Variants in TENM2 observed in about 807,000 individuals in gnomAD.
TENM2 encodes teneurin transmembrane protein 2.
In TENM2, 52 loss-of-function variants were observed where a neutral mutation model predicts 245.2. The ratio of observed to expected loss-of-function variants is 0.21; its 90% CI spans 0.17 to 0.27. The LOEUF is 0.27. Among genes scored for constraint, TENM2 ranks in the 10% least tolerant of loss-of-function variants. The pLI is 1.00. For missense variants in TENM2, 3,046 were observed against 3,666.8 expected (o/e 0.83, Z 4.37); for synonymous variants, 1,363 against 1,438.9 (o/e 0.95, Z 1.19).
At chr5:167,243,468 T>C in the TENM2 span, among the ~76,000 whole-genome samples, 23,168 of 151,760 alleles carry the variant, frequency 0.15, 2,789 homozygotes, top group African/African-American at 0.34. Context: ...GTGGGAGCCA[T>C]GGGAAAAAAG....
At chr5:167,649,254 A>G (rs1291934582) in intron 2 of TENM2, among the ~76,000 whole-genome samples, 1 of 152,152 alleles carries the variant, frequency 6.6e-6, no homozygotes, top group Non-Finnish European at 1.5e-5. Flanking sequence ...AGTGGGCTAG[A>G]AGTCAAATCT....
intron 1 of TENM2, among the ~76,000 whole-genome samples, chr5:167,368,621 C>T (rs774965209): frequency 6.6e-6 from 1 of 152,074 alleles, no homozygotes; most frequent in African/African-American, 2.4e-5. Flanking sequence ...TATAGTAAGC[C>T]TCTTCTGACA....
chr5:167,925,439 C>T (rs746222684), intron 3 of TENM2, among the ~76,000 whole-genome samples: 6 of 152,064 alleles, frequency 3.9e-5, no homozygotes, highest in Admixed American at 1.3e-4. Context: ...CTGAGAAAGC[C>T]GATAGTTACA....
chr5:167,115,195 AAGTT>A, the TENM2 span, among the ~76,000 whole-genome samples: 4 of 152,164 alleles, frequency 2.6e-5, no homozygotes, highest in African/African-American at 9.7e-5. Context: ...GACTCCGAAG[AAGTT>A]AGGCAACCGG....
intron 2 of TENM2, among the ~76,000 whole-genome samples, chr5:167,654,662 T>A (rs1482569814): frequency 6.6e-6 from 1 of 152,034 alleles, no homozygotes; most frequent in African/African-American, 2.4e-5. Flanking sequence ...GGAGGGTTTG[T>A]GATGGTATTA....
At chr5:168,000,258 T>C (rs989630653) in intron 5 of TENM2, among the ~76,000 whole-genome samples, 4 of 152,222 alleles carry the variant, frequency 2.6e-5, no homozygotes, top group African/African-American at 9.6e-5. Context: ...GGTTTCCTGA[T>C]TGAGGATTCT....
At chr5:167,258,699 A>G in the TENM2 span, among the ~76,000 whole-genome samples, 1 of 152,142 alleles carries the variant, frequency 6.6e-6, no homozygotes, top group East Asian at 1.9e-4. Context: ...AATAACAAGC[A>G]AAGAAGAAAC....
At chr5:167,522,163 A>G (rs1250674210) in intron 2 of TENM2, among the ~76,000 whole-genome samples, 1 of 152,114 alleles carries the variant, frequency 6.6e-6, no homozygotes, top group East Asian at 1.9e-4. Context: ...TATCATGACA[A>G]GACCTTTTTA....
chr5:167,023,075 C>G, the TENM2 span, among the ~76,000 whole-genome samples: 1 of 152,166 alleles, frequency 6.6e-6, no homozygotes, highest in Non-Finnish European at 1.5e-5. Flanking sequence ...CCCACTGACC[C>G]TCTTAAATGC....
upstream of TENM2, among the ~76,000 whole-genome samples, chr5:167,280,678 TGTC>T (rs979914047): frequency 9.9e-5 from 15 of 152,148 alleles, no homozygotes; most frequent in Admixed American, 5.2e-4. Flanking sequence ...TCACTTTTGT[TGTC>T]TGTGCCCATT....
chr5:166,998,445 A>C, the TENM2 span, among the ~76,000 whole-genome samples: 1 of 152,226 alleles, frequency 6.6e-6, no homozygotes, highest in Non-Finnish European at 1.5e-5. Context: ...TGGATGAACC[A>C]GACTTTAACG....
At chr5:167,912,779 T>G (rs1405846115) in intron 3 of TENM2, among the ~76,000 whole-genome samples, 1 of 152,200 alleles carries the variant, frequency 6.6e-6, no homozygotes, top group Non-Finnish European at 1.5e-5. Flanking sequence ...AAGAAACTTT[T>G]AGAACACTGA....
intron 2 of TENM2, among the ~76,000 whole-genome samples, chr5:167,509,944 C>G (rs373509346): frequency 3.3e-5 from 5 of 152,250 alleles, no homozygotes; most frequent in African/African-American, 1.2e-4. Flanking sequence ...CATAGTTAAA[C>G]CTAAACTACA....
At position 167,876,553 on chromosome 5, in the gene TENM2, C is replaced by T. The variant is rs1773442488; in HGVS notation, c.712+358C>T. Among the ~76,000 whole-genome samples the T allele has an allele frequency of 2.0e-5, 3 of 152,162 alleles. No homozygotes were observed. The South Asian group carries it at 6.2e-4, about 32-fold the overall frequency. On this transcript the variant is annotated intron_variant, in intron 3 of 28. Coordinates refer to ENST00000518659, the Ensembl canonical transcript of TENM2. ...ATAGCTGAGTGACCCTGGACACCCT[C>T]ACAGGCCCAATTTGTGTGTATCTCA...
the TENM2 span, among the ~76,000 whole-genome samples, chr5:167,018,756 A>G: frequency 5.3e-5 from 8 of 152,236 alleles, no homozygotes; most frequent in African/African-American, 1.2e-4. Context: ...AAGATGATCT[A>G]CACTTTTCAA....
intron 2 of TENM2, among the ~76,000 whole-genome samples, chr5:167,695,805 T>C (rs1270607035): frequency 1.3e-5 from 2 of 149,300 alleles, no homozygotes; most frequent in East Asian, 2.0e-4. Context: ...GAGGCCGAGG[T>C]GGGCGGATCA....
intron 21 of TENM2, 135 bp from the exon 24 acceptor site, chr5:168,216,633 C>A: frequency 2.6e-6 from 2 of 782,428 alleles, no homozygotes; most frequent in Admixed American, 2.1e-5. Context: ...AGAACCACTG[C>A]TCTGAGGGTA....
chr5:167,607,732 G>T (rs1777157800), intron 2 of TENM2, among the ~76,000 whole-genome samples: 4 of 152,094 alleles, frequency 2.6e-5, no homozygotes, highest in Admixed American at 2.6e-4. Flanking sequence ...AATATTTACT[G>T]AGCAGATACT....
the TENM2 span, among the ~76,000 whole-genome samples, chr5:166,979,886 G>A: frequency 6.6e-6 from 1 of 151,976 alleles, no homozygotes. Flanking sequence ...TTTTTTTTAG[G>A]ATGCATTTTA....
Sources: gnomAD v4.1 joint callset for allele counts (sites outside exome capture counted in the v4.1 genomes callset) on GRCh38, gnomAD v4.1.1 for gene constraint, MANE v1.5 for transcripts, NCBI Gene and HGNC (gene_info 2026-07-23, HGNC 2026-07-21) for gene names.